Variants in EPB41 observed in about 807,000 individuals in gnomAD.
EPB41 encodes protein 4.1.
In EPB41, 65 loss-of-function variants were observed where a neutral mutation model predicts 108.0. That is an observed-to-expected ratio of 0.60 (90% CI 0.49 to 0.74). The LOEUF (loss-of-function observed/expected upper bound fraction) is 0.74. EPB41 is among the 30% of genes least tolerant of loss of function. The pLI is 0.00. For synonymous variants in EPB41, 336 were observed against 358.9 expected, an observed-to-expected ratio of 0.94 and a Z score of 0.72; for missense variants, 875 against 1,037.0, an observed-to-expected ratio of 0.84 and a Z score of 2.15.
chr1:29,057,414 A>G (rs1203932702), intron 12 of EPB41, among the ~76,000 whole-genome samples: 1 of 149,932 alleles, frequency 6.7e-6, no homozygotes, highest in African/African-American at 2.4e-5. Flanking sequence ...AAATAACCCC[A>G]AACCGTTAAT....
intron 1 of EPB41, among the ~76,000 whole-genome samples, chr1:28,949,755 CA>C (rs1318517190): frequency 6.6e-6 from 1 of 151,882 alleles, no homozygotes; most frequent in Non-Finnish European, 1.5e-5. Context: ...AGGTGCATGC[CA>C]CCACACCCAG....
At chr1:28,970,919 C>T (rs2095477304) in intron 1 of EPB41, among the ~76,000 whole-genome samples, 1 of 152,150 alleles carries the variant, frequency 6.6e-6, no homozygotes, top group South Asian at 2.1e-4. Flanking sequence ...GCGATCTCGG[C>T]TCACTGCAGC....
intron 11 of EPB41, among the ~76,000 whole-genome samples, chr1:29,042,555 T>G (rs991612653): frequency 2.2e-4 from 33 of 152,170 alleles, no homozygotes; most frequent in Non-Finnish European, 4.9e-4. Flanking sequence ...CTCAGCTCAC[T>G]GCAACCTCCG....
At chr1:29,032,465 G>A (rs2096802467) in intron 8 of EPB41, among the ~76,000 whole-genome samples, 1 of 152,098 alleles carries the variant, frequency 6.6e-6, no homozygotes, top group South Asian at 2.1e-4. Context: ...AACACGTGTA[G>A]GCACTAATAT....
intron 1 of EPB41, among the ~76,000 whole-genome samples, chr1:28,928,764 C>T (rs2093587469): frequency 6.6e-6 from 1 of 152,130 alleles, no homozygotes; most frequent in South Asian, 2.1e-4. Flanking sequence ...GATAGAACAC[C>T]TGGTGCCTAG....
chr1:28,950,418 G>A (rs185392249), intron 1 of EPB41, among the ~76,000 whole-genome samples: 1 of 152,236 alleles, frequency 6.6e-6, no homozygotes. Context: ...CCACAATCAG[G>A]CTTTATATAT....
intron 1 of EPB41, chr1:28,902,204 C>T: frequency 1.0e-6 from 1 of 985,384 alleles, no homozygotes; most frequent in Non-Finnish European, 1.2e-6. Flanking sequence ...TTCCATTTGT[C>T]AGATCATACT....
At chr1:28,958,819 CAA>C (rs35105287) in intron 1 of EPB41, among the ~76,000 whole-genome samples, 60 of 65,756 alleles carry the variant, frequency 9.1e-4, no homozygotes, top group South Asian at 2.4e-3. Context: ...ACCCTGTCTC[CAA>C]AAAAAAAAAA....
chr1:29,080,483 A>G (rs1284830110), intron 16 of EPB41, among the ~76,000 whole-genome samples: 7 of 149,050 alleles, frequency 4.7e-5, no homozygotes, highest in African/African-American at 1.7e-4. Flanking sequence ...ATCACATCTC[A>G]CTGAAGTCTC....
intron 1 of EPB41, among the ~76,000 whole-genome samples, chr1:28,954,027 T>TA (rs576210842): frequency 2.6e-5 from 4 of 152,218 alleles, no homozygotes; most frequent in Non-Finnish European, 5.9e-5. Flanking sequence ...TTTGGAGCTT[T>TA]AAAAAACTCT....
chr1:29,101,243 A>G (rs1053517380), intron 17 of EPB41, among the ~76,000 whole-genome samples: 68 of 152,244 alleles, frequency 4.5e-4, no homozygotes, highest in African/African-American at 1.4e-3. Flanking sequence ...AAAAAAAAAG[A>G]GAAAGAGAGA....
intron 17 of EPB41, among the ~76,000 whole-genome samples, chr1:29,099,292 A>C (rs1490390574): frequency 1.3e-5 from 2 of 150,170 alleles, no homozygotes; most frequent in African/African-American, 4.9e-5. Context: ...AAAAAGAAGA[A>C]GAAGAAGAGA....
intron 1 of EPB41, among the ~76,000 whole-genome samples, chr1:28,963,344 C>T (rs1002818571): frequency 6.8e-6 from 1 of 146,208 alleles, no homozygotes; most frequent in African/African-American, 2.5e-5. Flanking sequence ...AAATCAGAAT[C>T]GTGTGTGTGT....
intron 16 of EPB41, chr1:29,065,456 GTAGAGGTT>G: frequency 4.0e-6 from 1 of 247,498 alleles, no homozygotes; most frequent in African/African-American, 2.2e-5. Context: ...CCATAAGCCA[GTAGAGGTT>G]TATTTGTATT....
upstream of EPB41, among the ~76,000 whole-genome samples, chr1:28,913,939 G>A (rs567025107): frequency 6.6e-6 from 1 of 152,316 alleles, no homozygotes; most frequent in East Asian, 1.9e-4. Flanking sequence ...AAATGCAGAA[G>A]ACAGGTTCAA....
intron 10 of EPB41, among the ~76,000 whole-genome samples, chr1:29,038,214 A>C (rs1371353240): frequency 1.3e-5 from 2 of 152,362 alleles, no homozygotes; most frequent in East Asian, 3.9e-4. Context: ...ACACCCAATT[A>C]AAGAATCTTA....
chr1:28,894,781 G>T (rs1216956284), intron 1 of EPB41, among the ~76,000 whole-genome samples: 1 of 152,176 alleles, frequency 6.6e-6, no homozygotes, highest in African/African-American at 2.4e-5. Context: ...GTGGGAAGGA[G>T]TTGATGAGAA....
intron 1 of EPB41, among the ~76,000 whole-genome samples, chr1:28,972,422 A>G (rs553837509): frequency 2.7e-4 from 41 of 152,334 alleles, no homozygotes; most frequent in African/African-American, 9.6e-4. Context: ...CTAGAGAAGT[A>G]AAGAATGTGT....
At chr1:28,943,357 C>T (rs535409413) in intron 1 of EPB41, among the ~76,000 whole-genome samples, 62 of 152,206 alleles carry the variant, frequency 4.1e-4, no homozygotes, top group African/African-American at 1.4e-3. Context: ...AAATGCAAAT[C>T]AAAACTACAA....
Sources: allele counts gnomAD v4.1 joint callset (sites outside exome capture counted in the v4.1 genomes callset), GRCh38; gene constraint gnomAD v4.1.1; transcripts MANE v1.5; gene names NCBI Gene and HGNC (gene_info 2026-07-23, HGNC 2026-07-21).